MACROD2: variants seen among roughly 807,000 people sequenced by gnomAD.
MACROD2 encodes mono-ADP ribosylhydrolase 2.
Under a neutral mutation model 70.4 loss-of-function variants are expected in MACROD2, and 36 were observed. That is an observed-to-expected ratio of 0.51 (90% CI 0.39 to 0.68). The LOEUF is 0.68. Ranked by LOEUF, MACROD2 falls within the 30% of genes least tolerant of loss-of-function variation. The pLI is 0.00. For synonymous variants in MACROD2, 172 were observed against 178.8 expected, an observed-to-expected ratio of 0.96 and a Z score of 0.30; for missense variants, 496 against 538.4, an observed-to-expected ratio of 0.92 and a Z score of 0.78.
chr20:15,774,463 G>A (rs947615974), intron 8 of MACROD2, among the ~76,000 whole-genome samples: 2 of 152,112 alleles, frequency 1.3e-5, no homozygotes, highest in Admixed American at 1.3e-4. Context: ...TCCCTCGGAG[G>A]ATCCACTGTT....
chr20:15,670,318 A>T (rs370594713), intron 8 of MACROD2, among the ~76,000 whole-genome samples: 5 of 152,132 alleles, frequency 3.3e-5, no homozygotes, highest in Non-Finnish European at 5.9e-5. Flanking sequence ...TAATGCTAGG[A>T]TGGTGTTGTC....
chr20:14,086,330 C>A, intron 3 of MACROD2: 1 of 233,218 alleles, frequency 4.3e-6, no homozygotes, highest in South Asian at 5.1e-5. Flanking sequence ...TATTATGTGG[C>A]TATATATCAA....
At chr20:15,168,441 ATGTGTGTGTGTGTG>A (rs56188346) in intron 5 of MACROD2, among the ~76,000 whole-genome samples, 2,374 of 134,716 alleles carry the variant, frequency 0.018, 37 homozygotes, top group Admixed American at 0.047. Context: ...ACATTGTGGG[ATGTGTGTGTGTGTG>A]TGTGTGTGTG....
At chr20:15,575,024 T>C (rs1427122888) in intron 8 of MACROD2, among the ~76,000 whole-genome samples, 1 of 152,166 alleles carries the variant, frequency 6.6e-6, no homozygotes, top group Non-Finnish European at 1.5e-5. Flanking sequence ...GCAGCCTCCA[T>C]AGATATAAGC....
chr20:15,536,465 C>T (rs1271486280), intron 8 of MACROD2, among the ~76,000 whole-genome samples: 1 of 152,146 alleles, frequency 6.6e-6, no homozygotes, highest in African/African-American at 2.4e-5. Context: ...TAAAAGGCCT[C>T]AGTGCTGATT....
At chr20:14,986,852 G>A (rs938011087) in intron 5 of MACROD2, among the ~76,000 whole-genome samples, 1 of 152,032 alleles carries the variant, frequency 6.6e-6, no homozygotes, top group African/African-American at 2.4e-5. Context: ...TTGTTCAAAG[G>A]CAAAGGCAAA....
At chr20:14,375,764 G>A (rs373359887) in intron 3 of MACROD2, among the ~76,000 whole-genome samples, 12 of 152,142 alleles carry the variant, frequency 7.9e-5, no homozygotes, top group East Asian at 5.8e-4. Flanking sequence ...TGTAGATATC[G>A]TGGAAACCAA....
intron 5 of MACROD2, among the ~76,000 whole-genome samples, chr20:14,820,509 T>A (rs1378024437): frequency 6.6e-6 from 1 of 151,968 alleles, no homozygotes; most frequent in African/African-American, 2.4e-5. Flanking sequence ...GCATAACTGC[T>A]TAAACTCAAG....
In MACROD2 at chr20:15,323,449, G is replaced by A. The variant is rs2077893841; in HGVS notation, c.540+93388G>A. Among the ~76,000 whole-genome samples the A allele has an allele frequency of 1.3e-5, 2 of 151,942 alleles. 1 individual carries two copies. Among genetic ancestry groups the A allele is most frequent in the Admixed American group, 1.3e-4 (2 of 15,246 alleles). ...TCCTTTCCATGAAGGCTTCATTTTT[G>A]TAAGGATTTTTAAAAATTAATAGAG... is the stretch of plus-strand genomic sequence containing the variant. On this transcript the variant is annotated intron_variant, in intron 6 of 17. Transcript: ENST00000684519.
At chr20:15,073,466 A>AACACACACACACAC (rs11468103) in intron 5 of MACROD2, among the ~76,000 whole-genome samples, 2 of 144,054 alleles carry the variant, frequency 1.4e-5, no homozygotes, top group African/African-American at 2.5e-5. Flanking sequence ...TAATTCTCCC[A>AACACACACACACAC]ACACACACAC....
intron 5 of MACROD2, among the ~76,000 whole-genome samples, chr20:15,152,495 A>AAGGTATCGGGGCACAGAGATAAGAGGTTG (rs1351354651): frequency 6.9e-6 from 1 of 144,494 alleles, no homozygotes; most frequent in African/African-American, 2.6e-5. Context: ...ATAAGAGGTT[A>AAGGTATCGGGGCACAGAGATAAGAGGTTG]GGGCATGGAA....
intron 4 of MACROD2, among the ~76,000 whole-genome samples, chr20:14,572,162 T>C (rs1980237829): frequency 6.6e-6 from 1 of 152,112 alleles, no homozygotes; most frequent in Admixed American, 6.6e-5. Context: ...ATATTTATTA[T>C]ATCATCTCTA....
At chr20:14,770,842 G>A (rs2072155622) in intron 5 of MACROD2, among the ~76,000 whole-genome samples, 1 of 152,000 alleles carries the variant, frequency 6.6e-6, no homozygotes, top group African/African-American at 2.4e-5. Flanking sequence ...TTTGAATCAA[G>A]CAGGCTGGCT....
At chr20:14,055,360 T>G (rs573405650) in intron 2 of MACROD2, among the ~76,000 whole-genome samples, 1 of 152,176 alleles carries the variant, frequency 6.6e-6, no homozygotes, top group African/African-American at 2.4e-5. Context: ...ATGCATTAAT[T>G]AACTTGTAAG....
chr20:15,091,466 G>A (rs1483845959), intron 5 of MACROD2, among the ~76,000 whole-genome samples: 1 of 151,902 alleles, frequency 6.6e-6, no homozygotes, highest in Non-Finnish European at 1.5e-5. Flanking sequence ...AAAGAGTTTA[G>A]GAAACATTGT....
chr20:14,712,804 G>C (rs77506554), intron 5 of MACROD2, among the ~76,000 whole-genome samples: 5,060 of 152,160 alleles, frequency 0.033, 117 homozygotes, highest in Non-Finnish European at 0.048. Context: ...TACAATAGGA[G>C]GATTAATGGC....
At chr20:15,359,287 C>G (rs2078324832) in intron 6 of MACROD2, among the ~76,000 whole-genome samples, 1 of 151,062 alleles carries the variant, frequency 6.6e-6, no homozygotes, top group Non-Finnish European at 1.5e-5. Context: ...TCTTATGAAT[C>G]AGAACCTTCA....
At chr20:14,376,751 AAATAAT>A (rs6147295) in intron 3 of MACROD2, among the ~76,000 whole-genome samples, 7,297 of 135,718 alleles carry the variant, frequency 0.054, 379 homozygotes, top group African/African-American at 0.13. Context: ...GCCTGTCTCA[AAATAAT>A]AATAATAATA....
At chr20:15,486,344 C>A (rs2047163256) in intron 7 of MACROD2, among the ~76,000 whole-genome samples, 1 of 152,166 alleles carries the variant, frequency 6.6e-6, no homozygotes, top group South Asian at 2.1e-4. Flanking sequence ...ATTCCTGTAC[C>A]TTTAGGCTTT....
Sources: allele counts gnomAD v4.1 joint callset (sites outside exome capture counted in the v4.1 genomes callset), GRCh38; gene constraint gnomAD v4.1.1; transcripts MANE v1.5; gene names NCBI Gene and HGNC (gene_info 2026-07-23, HGNC 2026-07-21).